MBD5: variants seen among roughly 807,000 people sequenced by gnomAD.
MBD5 encodes the protein methyl-CpG binding domain protein 5.
In MBD5, 13 loss-of-function variants were observed where a neutral mutation model predicts 117.3. That is an observed-to-expected ratio of 0.11 (90% CI 0.07 to 0.18). The LOEUF (loss-of-function observed/expected upper bound fraction) is 0.18. Ranked by LOEUF, MBD5 falls within the 10% of genes least tolerant of loss-of-function variation. The probability of loss-of-function intolerance (pLI) is 1.00; values close to 1 mark genes in which losing one functional copy is unlikely to be tolerated. For synonymous variants in MBD5, 727 were observed against 766.4 expected (o/e 0.95, Z 0.85); for missense variants, 1,879 against 2,093.8 (o/e 0.90, Z 2.00).
intron 1 of MBD5, among the ~76,000 whole-genome samples, chr2:148,049,514 C>T (rs1397721273): frequency 1.3e-5 from 2 of 152,134 alleles, no homozygotes; most frequent in African/African-American, 4.8e-5. Context: ...TACTTGCTTT[C>T]TGTGGGGGAG....
At chr2:148,119,002 T>G (rs1574033571) in intron 1 of MBD5, among the ~76,000 whole-genome samples, 1 of 152,190 alleles carries the variant, frequency 6.6e-6, no homozygotes, top group Non-Finnish European at 1.5e-5. Context: ...TGTACAAGTT[T>G]TTTTGTGGAC....
At chr2:148,339,073 A>G (rs1702873605) in intron 3 of MBD5, among the ~76,000 whole-genome samples, 1 of 152,140 alleles carries the variant, frequency 6.6e-6, no homozygotes, top group Non-Finnish European at 1.5e-5. Flanking sequence ...TAGACACCAC[A>G]GTGTGAAGGA....
chr2:148,023,076 T>C (rs1216168799), intron 1 of MBD5, among the ~76,000 whole-genome samples: 2 of 150,802 alleles, frequency 1.3e-5, no homozygotes, highest in Non-Finnish European at 1.5e-5. Context: ...TCGCTCTCTC[T>C]CCCTCACACC....
intron 1 of MBD5, among the ~76,000 whole-genome samples, chr2:148,033,903 A>C (rs892098627): frequency 6.6e-6 from 1 of 152,250 alleles, no homozygotes; most frequent in Non-Finnish European, 1.5e-5. Context: ...CCAATTGAGA[A>C]AATACCAGCA....
At chr2:148,500,290 T>A (rs1188220882) in intron 11 of MBD5, among the ~76,000 whole-genome samples, 1 of 152,020 alleles carries the variant, frequency 6.6e-6, no homozygotes, top group Non-Finnish European at 1.5e-5. Flanking sequence ...GTGTGTAATT[T>A]TATATATATA....
intron 11 of MBD5, among the ~76,000 whole-genome samples, chr2:148,495,314 C>T (rs1681667583): frequency 6.6e-6 from 1 of 152,112 alleles, no homozygotes; most frequent in Non-Finnish European, 1.5e-5. Flanking sequence ...AAAGAAAATG[C>T]TCTTGTTTTC....
intron 3 of MBD5, among the ~76,000 whole-genome samples, chr2:148,300,118 G>A (rs1415800954): frequency 1.3e-5 from 2 of 151,812 alleles, no homozygotes; most frequent in Admixed American, 6.6e-5. Context: ...GCAGTGGCAC[G>A]ATCTCAGCTC....
At chr2:148,064,652 C>T (rs1695136360) in intron 1 of MBD5, among the ~76,000 whole-genome samples, 1 of 152,184 alleles carries the variant, frequency 6.6e-6, no homozygotes, top group Non-Finnish European at 1.5e-5. Context: ...GCCCATCAGT[C>T]CTTACACCTG....
intron 4 of MBD5, among the ~76,000 whole-genome samples, chr2:148,362,524 A>G (rs1383393500): frequency 6.6e-6 from 1 of 152,198 alleles, no homozygotes; most frequent in Non-Finnish European, 1.5e-5. Flanking sequence ...TCCCTGGGAC[A>G]GAGCACCAGG....
intron 3 of MBD5, among the ~76,000 whole-genome samples, chr2:148,323,673 G>T (rs1485582068): frequency 6.6e-6 from 1 of 152,084 alleles, no homozygotes; most frequent in East Asian, 1.9e-4. Context: ...CATGTCCTTT[G>T]CCCACTTTTT....
chr2:148,134,682 C>T (rs971040693), intron 1 of MBD5, among the ~76,000 whole-genome samples: 19 of 152,252 alleles, frequency 1.2e-4, no homozygotes, highest in African/African-American at 3.6e-4. Context: ...GTTTTGCTGA[C>T]GTAGTTCAAT....
chr2:148,498,063 T>G (rs1312939271), intron 11 of MBD5, among the ~76,000 whole-genome samples: 1 of 152,192 alleles, frequency 6.6e-6, no homozygotes, highest in Non-Finnish European at 1.5e-5. Context: ...CTATTCTATA[T>G]GTAGCACTCC....
chr2:148,114,836 TA>T (rs1456866021), intron 1 of MBD5, among the ~76,000 whole-genome samples: 4 of 152,258 alleles, frequency 2.6e-5, no homozygotes, highest in South Asian at 4.1e-4. Flanking sequence ...TCTTTTTTCT[TA>T]AATTGGAAAT....
chr2:148,389,267 TATATATATATATATA>T (rs1704485866), intron 4 of MBD5, among the ~76,000 whole-genome samples: 1 of 63,494 alleles, frequency 1.6e-5, no homozygotes. Flanking sequence ...TATATATATA[TATATATATATATATA>T]TATATATATA....
chr2:148,051,337 A>G (rs1373775590), intron 1 of MBD5, among the ~76,000 whole-genome samples: 1 of 150,086 alleles, frequency 6.7e-6, no homozygotes, highest in Non-Finnish European at 1.5e-5. Flanking sequence ...GGTTTTTTAT[A>G]CATAAGATTA....
At chr2:148,188,600 T>A (rs923957421) in intron 2 of MBD5, among the ~76,000 whole-genome samples, 16 of 149,814 alleles carry the variant, frequency 1.1e-4, no homozygotes, top group Non-Finnish European at 8.9e-5. Context: ...AGAAGATAAC[T>A]TGAGCCCAGG....
At chr2:148,113,183 C>A (rs916482918) in intron 1 of MBD5, among the ~76,000 whole-genome samples, 1 of 152,128 alleles carries the variant, frequency 6.6e-6, no homozygotes, top group Admixed American at 6.6e-5. Context: ...ACTCCTAATA[C>A]TTGAGGTGCA....
Position 148,148,538 on chromosome 2 carries a change from C to T in MBD5, c.-924-30162C>T, listed in dbSNP as rs141477429. Among the ~76,000 whole-genome samples, 239 of 152,246 alleles carry T rather than the reference C, an allele frequency of 1.6e-3. 5 individuals carry two copies. In the East Asian group the frequency reaches 0.04, roughly 26 times the overall value. ...TGACAATGTTTGCCAGTGTTATTAC[C>T]TCAAAGTTTCTAATTCAATAAATCT... On this transcript the variant is annotated intron_variant, in intron 1 of 13. Transcript: ENST00000642680.
chr2:148,211,028 G>A (rs541299155), intron 2 of MBD5, among the ~76,000 whole-genome samples: 33 of 152,108 alleles, frequency 2.2e-4, no homozygotes, highest in African/African-American at 8.0e-4. Context: ...CCAGTGGAAG[G>A]GATCATTCAG....
Sources: allele counts gnomAD v4.1 joint callset (sites outside exome capture counted in the v4.1 genomes callset), GRCh38; gene constraint gnomAD v4.1.1; transcripts MANE v1.5; gene names NCBI Gene and HGNC (gene_info 2026-07-23, HGNC 2026-07-21).